The following FARS2 variants were observed in gnomAD, a reference collection of about 807,000 sequenced individuals.
FARS2 encodes the protein phenylalanine--tRNA ligase, mitochondrial.
Under a neutral mutation model 46.4 loss-of-function variants are expected in FARS2, and 40 were observed. The ratio of observed to expected loss-of-function variants is 0.86; its 90% confidence interval spans 0.67 to 1.12. FARS2 has a LOEUF of 1.12. Among genes scored for constraint, FARS2 ranks in the 50% most tolerant of loss-of-function variants. FARS2 has a pLI of 0.00. For synonymous variants in FARS2, 234 were observed against 214.9 expected (o/e 1.09, Z -0.78); for missense variants, 513 against 567.9 (o/e 0.90, Z 0.98).
chr6:5,573,224 C>T (rs917533145), intron 5 of FARS2, among the ~76,000 whole-genome samples: 2 of 152,182 alleles, frequency 1.3e-5, no homozygotes, highest in African/African-American at 4.8e-5. Flanking sequence ...TAGCCCCTTC[C>T]CTCACTGAGA....
chr6:5,719,394 A>AT (rs1434644269), intron 6 of FARS2, among the ~76,000 whole-genome samples: 1 of 64,552 alleles, frequency 1.5e-5, no homozygotes, highest in African/African-American at 6.7e-5. Flanking sequence ...CTCAAAAAAA[A>AT]TTAAAAAAAA....
intron 1 of FARS2, among the ~76,000 whole-genome samples, chr6:5,300,627 G>A (rs1236327308): frequency 2.6e-5 from 4 of 151,984 alleles, no homozygotes; most frequent in African/African-American, 9.7e-5. Context: ...GAGACAGATT[G>A]CTTAGATAAC....
At chr6:5,510,727 G>C (rs1228333846) in intron 4 of FARS2, among the ~76,000 whole-genome samples, 4 of 152,332 alleles carry the variant, frequency 2.6e-5, no homozygotes, top group Middle Eastern at 3.4e-3. Context: ...ATATGTAGTA[G>C]AACGGGTTCC....
intron 3 of FARS2, among the ~76,000 whole-genome samples, chr6:5,407,439 G>T (rs1352919813): frequency 2.6e-5 from 4 of 151,956 alleles, no homozygotes; most frequent in Admixed American, 2.6e-4. Flanking sequence ...ATTGCCAAAC[G>T]CATAGTTCAT....
chr6:5,545,461 C>CT (rs1770915063), intron 5 of FARS2, 121 bp downstream of exon 5: 1 of 771,932 alleles, frequency 1.3e-6, no homozygotes. Context: ...TTTCATTTTA[C>CT]TTTAAGTTCT....
intron 5 of FARS2, among the ~76,000 whole-genome samples, chr6:5,560,059 C>T (rs1771899860): frequency 6.6e-6 from 1 of 152,064 alleles, no homozygotes; most frequent in African/African-American, 2.4e-5. Context: ...GCCATTTTAC[C>T]ATGAGTGATT....
chr6:5,450,133 A>G (rs1170419779), intron 4 of FARS2, among the ~76,000 whole-genome samples: 1 of 152,220 alleles, frequency 6.6e-6, no homozygotes, highest in African/African-American at 2.4e-5. Context: ...GGTCAACTGT[A>G]TGAGGCTACA....
chr6:5,692,547 A>G (rs78413837), intron 6 of FARS2, among the ~76,000 whole-genome samples: 96 of 152,342 alleles, frequency 6.3e-4, no homozygotes, highest in African/African-American at 2.1e-3. Flanking sequence ...TGACTTTGAT[A>G]ATAGGATTTT....
At chr6:5,623,071 C>T (rs974556970) in intron 6 of FARS2, among the ~76,000 whole-genome samples, 16 of 152,212 alleles carry the variant, frequency 1.1e-4, no homozygotes, top group African/African-American at 3.9e-4. Context: ...GATGTTGGGA[C>T]TTTTGGAGCC....
intron 6 of FARS2, among the ~76,000 whole-genome samples, chr6:5,722,531 G>A (rs1759979252): frequency 1.3e-5 from 2 of 152,198 alleles, no homozygotes; most frequent in Non-Finnish European, 2.9e-5. Context: ...AGAGCAGGTC[G>A]ACTGGGATAG....
chr6:5,734,125 A>C (rs1192178830), intron 6 of FARS2, among the ~76,000 whole-genome samples: 1 of 152,164 alleles, frequency 6.6e-6, no homozygotes, highest in Admixed American at 6.5e-5. Flanking sequence ...GGCAAGTTCC[A>C]GTGGTAGATG....
At chr6:5,441,850 A>G (rs897804021) in intron 4 of FARS2, among the ~76,000 whole-genome samples, 3 of 152,156 alleles carry the variant, frequency 2.0e-5, no homozygotes, top group South Asian at 2.1e-4. Context: ...CCCAATTTAT[A>G]TTGTCTTGAG....
At position 5,267,106 on chromosome 6, in the gene FARS2, T is replaced by A. The variant is rs115070089; in HGVS notation, c.-22+5446T>A. Among the ~76,000 whole-genome samples, 634 of 152,200 alleles carry A rather than the reference T, an allele frequency of 4.2e-3. 1 individual carries two copies. The highest frequency in any genetic ancestry group is 0.014 in the African/African-American group (598 of 41,524). On this transcript the variant is annotated intron_variant, in intron 1 of 6. Coordinates refer to ENST00000274680, the MANE Select transcript of FARS2 (RefSeq NM_006567.5). ...GGGCAGTAACAACAAAATTGACAAT[T>A]TATTTTGTGTAAAGTATTTCAAATG... is the stretch of plus-strand genomic sequence containing the variant.
intron 4 of FARS2, among the ~76,000 whole-genome samples, chr6:5,449,005 T>C (rs957871059): frequency 1.3e-5 from 2 of 152,172 alleles, no homozygotes; most frequent in Non-Finnish European, 2.9e-5. Context: ...ACGTGAAAGA[T>C]CGGAGAGCGT....
chr6:5,605,477 A>T (rs972650714), intron 5 of FARS2, among the ~76,000 whole-genome samples: 1 of 152,244 alleles, frequency 6.6e-6, no homozygotes, highest in South Asian at 2.1e-4. Context: ...ACCCCATGTC[A>T]TCATCAGCCG....
At chr6:5,502,843 TTA>T (rs1286091396) in intron 4 of FARS2, among the ~76,000 whole-genome samples, 2 of 152,196 alleles carry the variant, frequency 1.3e-5, no homozygotes, top group African/African-American at 4.8e-5. Context: ...CCTGCCAATT[TTA>T]TATCACAGCC....
intron 6 of FARS2, among the ~76,000 whole-genome samples, chr6:5,742,171 T>C (rs1761385382): frequency 6.6e-6 from 1 of 152,202 alleles, no homozygotes; most frequent in South Asian, 2.1e-4. Flanking sequence ...CATTCTTTCC[T>C]ATTATTTGGT....
chr6:5,272,762 C>T (rs1018548600), intron 1 of FARS2, among the ~76,000 whole-genome samples: 2 of 152,190 alleles, frequency 1.3e-5, no homozygotes, highest in Non-Finnish European at 2.9e-5. Flanking sequence ...CTTATCTCTT[C>T]TATCAAGCTG....
intron 6 of FARS2, among the ~76,000 whole-genome samples, chr6:5,734,984 C>T (rs1760863305): frequency 6.6e-6 from 1 of 152,204 alleles, no homozygotes; most frequent in African/African-American, 2.4e-5. Flanking sequence ...CCCCAATAAA[C>T]TAAGCAGCTT....
Sources: allele counts gnomAD v4.1 joint callset (sites outside exome capture counted in the v4.1 genomes callset), GRCh38; gene constraint gnomAD v4.1.1; transcripts MANE v1.5; gene names NCBI Gene and HGNC (gene_info 2026-07-23, HGNC 2026-07-21).